Variants in ZMYM4 observed in about 807,000 individuals in gnomAD.
ZMYM4 encodes zinc finger MYM-type containing 4.
In ZMYM4, 31 loss-of-function variants were observed where a neutral mutation model predicts 183.2. That is an observed-to-expected ratio of 0.17 (90% CI 0.13 to 0.23). ZMYM4 has a LOEUF of 0.23. ZMYM4 is among the 10% of genes least tolerant of loss of function. The probability of loss-of-function intolerance (pLI) is 1.00; values close to 1 mark genes in which losing one functional copy is unlikely to be tolerated. For missense variants in ZMYM4, 1,273 were observed against 1,840.3 expected, an observed-to-expected ratio of 0.69 and a Z score of 5.64; for synonymous variants, 592 against 631.2, an observed-to-expected ratio of 0.94 and a Z score of 0.93.
chr1:35,385,867 C>A (rs1246210059), intron 10 of ZMYM4, among the ~76,000 whole-genome samples: 1 of 152,012 alleles, frequency 6.6e-6, no homozygotes, highest in Admixed American at 6.5e-5. Context: ...CTGGTAGTTT[C>A]AGGGTAGACT....
At chr1:35,354,463 C>T (rs1210968304) in intron 2 of ZMYM4, among the ~76,000 whole-genome samples, 3 of 152,140 alleles carry the variant, frequency 2.0e-5, no homozygotes, top group South Asian at 2.1e-4. Flanking sequence ...TGGTGTCAAA[C>T]GCCTGTAATC....
intron 1 of ZMYM4, among the ~76,000 whole-genome samples, chr1:35,288,376 T>C (rs1159065880): frequency 6.6e-6 from 1 of 152,240 alleles, no homozygotes; most frequent in Non-Finnish European, 1.5e-5. Context: ...AAGGTGGTTA[T>C]TGGTCAGAGT....
At chr1:35,362,719 T>C (rs768792362) in intron 5 of ZMYM4, among the ~76,000 whole-genome samples, 42 of 152,260 alleles carry the variant, frequency 2.8e-4, no homozygotes, top group Non-Finnish European at 4.4e-4. Context: ...TCTTTTTTTT[T>C]TGAGACAAGG....
intron 7 of ZMYM4, among the ~76,000 whole-genome samples, chr1:35,373,673 G>A (rs370899776): frequency 1.5e-4 from 22 of 151,026 alleles, no homozygotes; most frequent in Non-Finnish European, 2.4e-4. Flanking sequence ...GATTACAGGC[G>A]TGAGCCACCG....
At chr1:35,288,488 A>G (rs1021491120) in intron 1 of ZMYM4, among the ~76,000 whole-genome samples, 1 of 152,168 alleles carries the variant, frequency 6.6e-6, no homozygotes, top group African/African-American at 2.4e-5. Flanking sequence ...CTTTGCTACT[A>G]TCACGCTAGC....
At position 35,387,129 on chromosome 1, in the gene ZMYM4, C is replaced by T. The variant is rs1236552740; in HGVS notation, c.1963C>T (p.Pro655Ser). 4 of 1,614,238 alleles carry T rather than the reference C, an allele frequency of 2.5e-6. No individual in the cohort carries two copies. Among genetic ancestry groups the T allele is most frequent in the Non-Finnish European group, 3.4e-6 (4 of 1,180,048 alleles). ...AGGAGGTAGCACATCTGCTGTTTCT[C>T]CCACCTCCATCAGTAGCTCTGCTGC... ...AGGGSTSAVS[P>S]TSISSSAAAG... is the part of the protein sequence containing the mutation. Residue 655 changes from proline to serine, a missense_variant, in exon 12 of 30, where the codon CCC becomes TCC. Transcript: ENST00000314607.
intron 1 of ZMYM4, among the ~76,000 whole-genome samples, chr1:35,292,789 C>T (rs576980523): frequency 2.0e-5 from 3 of 152,134 alleles, no homozygotes; most frequent in South Asian, 2.1e-4. Context: ...CGTGAGCCAC[C>T]GCGCCCTGCG....
At chr1:35,363,656 T>C (rs1558085316) in intron 5 of ZMYM4, among the ~76,000 whole-genome samples, 1 of 152,188 alleles carries the variant, frequency 6.6e-6, no homozygotes, top group Non-Finnish European at 1.5e-5. Context: ...TGAGTATACT[T>C]GCTACAAAGA....
intron 26 of ZMYM4, among the ~76,000 whole-genome samples, chr1:35,409,978 T>G (rs1312290281): frequency 6.6e-6 from 1 of 151,834 alleles, no homozygotes; most frequent in African/African-American, 2.4e-5. Flanking sequence ...AATCATGGCT[T>G]ATGGTTCTGC....
chr1:35,295,907 C>T (rs1347869880), intron 1 of ZMYM4: 7 of 152,130 alleles, frequency 4.6e-5, no homozygotes, highest in Non-Finnish European at 1.5e-5. Flanking sequence ...GATTAAACTG[C>T]CCATCTATTT....
At chr1:35,316,669 CAAG>C (rs1256152147) in intron 1 of ZMYM4, among the ~76,000 whole-genome samples, 3 of 151,924 alleles carry the variant, frequency 2.0e-5, no homozygotes, top group Non-Finnish European at 2.9e-5. Flanking sequence ...AATGGATACT[CAAG>C]AGGAGAGAAT....
intron 1 of ZMYM4, among the ~76,000 whole-genome samples, chr1:35,324,385 C>T (rs1205282888): frequency 6.6e-6 from 1 of 152,222 alleles, no homozygotes. Context: ...GTGTGAGCCA[C>T]TGGGCCCAGC....
At chr1:35,296,920 G>C (rs1641047699) in intron 1 of ZMYM4, among the ~76,000 whole-genome samples, 1 of 139,696 alleles carries the variant, frequency 7.2e-6, no homozygotes, top group Non-Finnish European at 1.5e-5. Context: ...CGCCATCTTG[G>C]CTCACTGCAA....
chr1:35,291,389 A>C (rs935999353), intron 1 of ZMYM4, among the ~76,000 whole-genome samples: 1 of 151,788 alleles, frequency 6.6e-6, no homozygotes. Flanking sequence ...TCATTTTCTT[A>C]AGTGTTTTTC....
At chr1:35,302,200 C>CTTTTTGTTTTT (rs1641313148) in intron 1 of ZMYM4, among the ~76,000 whole-genome samples, 1 of 58,556 alleles carries the variant, frequency 1.7e-5, no homozygotes, top group African/African-American at 6.4e-5. Context: ...ACGGCTCTTG[C>CTTTTTGTTTTT]TTTTTTTTTT....
At chr1:35,362,624 A>T (rs894741106) in intron 5 of ZMYM4, among the ~76,000 whole-genome samples, 2 of 151,982 alleles carry the variant, frequency 1.3e-5, no homozygotes, top group African/African-American at 4.8e-5. Context: ...ATATTTTCCT[A>T]TCTTTCTGTT....
intron 25 of ZMYM4, among the ~76,000 whole-genome samples, chr1:35,406,108 T>C (rs1644998764): frequency 6.6e-6 from 1 of 152,214 alleles, no homozygotes. Context: ...TTATTCCACT[T>C]TCCAACTATA....
At chr1:35,333,800 TTC>T (rs763384811) in intron 2 of ZMYM4, among the ~76,000 whole-genome samples, 2 of 152,116 alleles carry the variant, frequency 1.3e-5, no homozygotes, top group African/African-American at 4.8e-5. Context: ...TCCTCCTCAC[TTC>T]TCTCTGTCTT....
intron 2 of ZMYM4, among the ~76,000 whole-genome samples, chr1:35,330,406 G>A (rs192872316): frequency 2.0e-4 from 30 of 152,232 alleles, no homozygotes; most frequent in Admixed American, 5.9e-4. Context: ...TCAAGGTAGC[G>A]TGGTGTTCTA....
Sources: allele counts gnomAD v4.1 joint callset (sites outside exome capture counted in the v4.1 genomes callset), GRCh38; gene constraint gnomAD v4.1.1; transcripts MANE v1.5; gene names NCBI Gene and HGNC (gene_info 2026-07-23, HGNC 2026-07-21).